Variants in MAF observed in about 807,000 individuals in gnomAD.
MAF encodes transcription factor Maf.
MAF carries 10 observed loss-of-function variants against 22.0 expected under a neutral mutation model. The ratio of observed to expected loss-of-function variants is 0.45; its 90% CI spans 0.28 to 0.77. The LOEUF (loss-of-function observed/expected upper bound fraction) is 0.77. Ranked by LOEUF, MAF falls within the 30% of genes least tolerant of loss-of-function variation. The pLI is 0.12. For missense variants in MAF, 544 were observed against 548.4 expected (o/e 0.99, Z 0.08); for synonymous variants, 337 against 255.8 (o/e 1.32, Z -3.03).
the MAF span, among the ~76,000 whole-genome samples, chr16:79,319,577 G>C: frequency 6.6e-6 from 1 of 152,146 alleles, no homozygotes; most frequent in Non-Finnish European, 1.5e-5. Context: ...AGGGGCTGGG[G>C]GGACAATAAT....
At chr16:79,407,735 G>C in the MAF span, among the ~76,000 whole-genome samples, 1 of 151,868 alleles carries the variant, frequency 6.6e-6, no homozygotes, top group African/African-American at 2.4e-5. Context: ...AATGGAACAA[G>C]CACAAGAGCA....
chr16:79,293,075 C>T, the MAF span, among the ~76,000 whole-genome samples: 2 of 152,190 alleles, frequency 1.3e-5, no homozygotes, highest in African/African-American at 4.8e-5. Flanking sequence ...CACTGCTTTG[C>T]CTATGGAGTA....
downstream of MAF, among the ~76,000 whole-genome samples, chr16:79,593,673 T>A (rs942971482): frequency 2.0e-5 from 3 of 152,236 alleles, no homozygotes; most frequent in African/African-American, 4.8e-5. Flanking sequence ...AATGTCTGCC[T>A]ATTTGATGTC....
chr16:79,355,368 G>T, the MAF span, among the ~76,000 whole-genome samples: 1 of 152,224 alleles, frequency 6.6e-6, no homozygotes, highest in African/African-American at 2.4e-5. Flanking sequence ...TGTCCCCAGG[G>T]ATGAAGTTTT....
At chr16:79,218,542 G>A in the MAF span, among the ~76,000 whole-genome samples, 1 of 152,148 alleles carries the variant, frequency 6.6e-6, no homozygotes, top group Admixed American at 6.5e-5. Context: ...GGTTACACAG[G>A]CAGAACCAGC....
At chr16:79,513,116 C>T in the MAF span, among the ~76,000 whole-genome samples, 2 of 152,368 alleles carry the variant, frequency 1.3e-5, no homozygotes, top group East Asian at 3.9e-4. Context: ...TGTGGGTGTG[C>T]AAGCTCACAC....
At chr16:79,313,352 C>G in the MAF span, among the ~76,000 whole-genome samples, 2 of 151,990 alleles carry the variant, frequency 1.3e-5, no homozygotes, top group Non-Finnish European at 2.9e-5. Flanking sequence ...CTGAGGTTGC[C>G]TGATAAGAAA....
the MAF span, chr16:79,202,652 C>T: frequency 6.6e-6 from 1 of 152,134 alleles, no homozygotes; most frequent in Non-Finnish European, 1.5e-5. Context: ...TTCTATTCAG[C>T]TTTAAAGAGT....
chr16:79,546,451 A>T, the MAF span, among the ~76,000 whole-genome samples: 6 of 152,306 alleles, frequency 3.9e-5, no homozygotes, highest in African/African-American at 9.6e-5. Context: ...AATTTTGAAA[A>T]TGTAGGAAGT....
chr16:79,260,463 C>CTATCTATCTATATCTA, the MAF span, among the ~76,000 whole-genome samples: 2 of 145,332 alleles, frequency 1.4e-5, no homozygotes, highest in Admixed American at 7.0e-5. Context: ...ATGTATCTAT[C>CTATCTATCTATATCTA]TATCTATATC....
the MAF span, among the ~76,000 whole-genome samples, chr16:79,208,176 C>G: frequency 1.3e-5 from 2 of 152,198 alleles, no homozygotes; most frequent in Non-Finnish European, 2.9e-5. Context: ...GCACAGTTCT[C>G]CTCTGGCAGC....
At chr16:79,463,728 A>G in the MAF span, among the ~76,000 whole-genome samples, 1 of 152,184 alleles carries the variant, frequency 6.6e-6, no homozygotes, top group Non-Finnish European at 1.5e-5. Context: ...ACTTTAAGCC[A>G]CTTTTTAAAA....
chr16:79,531,873 T>G, the MAF span, among the ~76,000 whole-genome samples: 6 of 151,964 alleles, frequency 3.9e-5, no homozygotes, highest in Non-Finnish European at 7.4e-5. Context: ...AAAATAGGCA[T>G]CAGTGAGATC....
the MAF span, among the ~76,000 whole-genome samples, chr16:79,534,537 C>T: frequency 0.6 from 89,872 of 150,526 alleles, 29,173 homozygotes; most frequent in Non-Finnish European, 0.73. Flanking sequence ...ACTGCCAGTA[C>T]CACCTACCTT....
At chr16:79,224,428 C>T in the MAF span, among the ~76,000 whole-genome samples, 1 of 152,176 alleles carries the variant, frequency 6.6e-6, no homozygotes, top group African/African-American at 2.4e-5. Context: ...AAACTGGAAG[C>T]ATGCCTTTTG....
At chr16:79,277,303 A>G in the MAF span, among the ~76,000 whole-genome samples, 292 of 152,296 alleles carry the variant, frequency 1.9e-3, 1 homozygote, top group African/African-American at 6.8e-3. Flanking sequence ...CTAGGACCTC[A>G]GTATGACTTT....
the MAF span, among the ~76,000 whole-genome samples, chr16:79,219,729 C>A: frequency 1.3e-5 from 2 of 152,078 alleles, no homozygotes; most frequent in Non-Finnish European, 2.9e-5. Flanking sequence ...TCCCTACTGT[C>A]ACTCTGCGTC....
chr16:79,356,856 T>C, the MAF span, among the ~76,000 whole-genome samples: 2 of 152,226 alleles, frequency 1.3e-5, no homozygotes, highest in South Asian at 4.1e-4. Context: ...TTAAAAGGCA[T>C]GAAAAATTAT....
the MAF span, chr16:79,211,517 G>A: frequency 4.6e-6 from 7 of 1,530,060 alleles, no homozygotes; most frequent in South Asian, 2.3e-5. Flanking sequence ...CCAGGTGGGG[G>A]AGGCCTGCTA....
Sources: gnomAD v4.1 joint callset for allele counts (sites outside exome capture counted in the v4.1 genomes callset) on GRCh38, gnomAD v4.1.1 for gene constraint, MANE v1.5 for transcripts, NCBI Gene and HGNC (gene_info 2026-07-23, HGNC 2026-07-21) for gene names.